PRKG1: variants seen among roughly 807,000 people sequenced by gnomAD.
PRKG1 encodes the protein protein kinase cGMP-dependent 1.
PRKG1 carries 35 observed loss-of-function variants against 88.1 expected under a neutral mutation model. That is an observed-to-expected ratio of 0.40 (90% CI 0.30 to 0.53). The LOEUF is 0.53. PRKG1 is among the 20% of genes least tolerant of loss of function. PRKG1 has a pLI of 0.59. For synonymous variants in PRKG1, 303 were observed against 292.5 expected, an observed-to-expected ratio of 1.04 and a Z score of -0.37; for missense variants, 540 against 839.8, an observed-to-expected ratio of 0.64 and a Z score of 4.41.
intron 3 of PRKG1, among the ~76,000 whole-genome samples, chr10:51,479,722 T>C (rs1324843953): frequency 1.3e-5 from 2 of 152,166 alleles, no homozygotes; most frequent in African/African-American, 4.8e-5. Flanking sequence ...AATTGGAAGC[T>C]GTTATGCATG....
chr10:51,841,016 G>A (rs1204072650), intron 4 of PRKG1, among the ~76,000 whole-genome samples: 1 of 152,190 alleles, frequency 6.6e-6, no homozygotes, highest in Non-Finnish European at 1.5e-5. Context: ...ATCTGAATCA[G>A]ATCACCAATA....
rs191084460 is a variant in PRKG1, at chr10:51,033,085, C to T, written c.266+41441C>T. ...TTCCATGACTTTCTGTATTCCCTGT[C>T]TTAGAATGCTCATCCTTCTCAAAGC... On this transcript the variant is annotated intron_variant, in intron 1 of 17. Coordinates refer to the PRKG1 transcript ENST00000401604. 4.7e-3 allele frequency among the ~76,000 whole-genome samples: 715 copies of T among 152,142 alleles called. 6 individuals carry two copies. Among genetic ancestry groups the T allele is most frequent in the African/African-American group, 0.017 (692 of 41,490 alleles).
At chr10:52,093,217 G>A (rs548132690) in intron 7 of PRKG1, among the ~76,000 whole-genome samples, 2 of 152,268 alleles carry the variant, frequency 1.3e-5, no homozygotes, top group South Asian at 2.1e-4. Context: ...TAATAGAGAC[G>A]TTTTGTTTCT....
At chr10:51,208,498 C>A (rs1838123353) in intron 2 of PRKG1, among the ~76,000 whole-genome samples, 1 of 152,052 alleles carries the variant, frequency 6.6e-6, no homozygotes, top group Non-Finnish European at 1.5e-5. Context: ...ATGTTCTTAG[C>A]AAGACATGAA....
chr10:51,031,889 C>T (rs984135542), intron 1 of PRKG1, among the ~76,000 whole-genome samples: 2 of 151,992 alleles, frequency 1.3e-5, no homozygotes, highest in African/African-American at 2.4e-5. Context: ...AAGAAATGAA[C>T]CTGTGATTTT....
rs78936380 is a variant in PRKG1 at position 51,852,375 on chromosome 10, T to G, written c.698+47685T>G. ...ACATAGATATACACACACACACACATAGAGAGAGAGAGAGAGAGAGGAAAC... is the reference window on the plus strand; with the variant it reads ...ACATAGATATACACACACACACACAGAGAGAGAGAGAGAGAGAGAGGAAAC... On this transcript the variant is annotated intron_variant, in intron 4 of 17. Coordinates refer to ENST00000373980, the MANE Select transcript of PRKG1 (RefSeq NM_006258.4). Among the ~76,000 whole-genome samples the G allele has an allele frequency of 5.7e-3, 820 of 143,946 alleles. 10 individuals carry two copies. Among genetic ancestry groups the G allele is most frequent in the African/African-American group, 0.019 (763 of 39,510 alleles). 94.4% of individuals were successfully genotyped at this position (143,946 alleles called of 152,430 possible).
intron 2 of PRKG1, among the ~76,000 whole-genome samples, chr10:51,357,433 T>C (rs868682642): frequency 6.6e-6 from 1 of 151,954 alleles, no homozygotes; most frequent in African/African-American, 2.4e-5. Flanking sequence ...TTAGGAGACA[T>C]GGAACAACAA....
intron 4 of PRKG1, among the ~76,000 whole-genome samples, chr10:51,852,244 T>G (rs148508184): frequency 6.7e-6 from 1 of 149,232 alleles, no homozygotes; most frequent in Admixed American, 6.7e-5. Context: ...CACACACACG[T>G]CATATATAAA....
chr10:51,699,085 G>C, intron 3 of PRKG1: 1 of 1,614,178 alleles, frequency 6.2e-7, no homozygotes, highest in Non-Finnish European at 8.5e-7. Flanking sequence ...GAGCTTCCTG[G>C]TGGCTGTTTT....
intron 5 of PRKG1, among the ~76,000 whole-genome samples, chr10:51,936,104 T>A (rs1842795145): frequency 6.6e-6 from 1 of 151,946 alleles, no homozygotes; most frequent in Non-Finnish European, 1.5e-5. Context: ...CCTTTTTAAA[T>A]TTCTAAATTT....
chr10:51,232,901 A>G (rs1838884297), intron 2 of PRKG1, among the ~76,000 whole-genome samples: 2 of 152,142 alleles, frequency 1.3e-5, no homozygotes, highest in Non-Finnish European at 2.9e-5. Flanking sequence ...TCAGGGATGG[A>G]GCCTAATCAA....
intron 3 of PRKG1, among the ~76,000 whole-genome samples, chr10:51,711,867 AG>A (rs1469534254): frequency 3.3e-5 from 5 of 152,194 alleles, no homozygotes; most frequent in Non-Finnish European, 7.4e-5. Flanking sequence ...GCAATAAACC[AG>A]GGGGGTAATG....
intron 1 of PRKG1, among the ~76,000 whole-genome samples, chr10:51,057,394 T>C (rs1843638878): frequency 1.3e-5 from 2 of 152,208 alleles, no homozygotes; most frequent in African/African-American, 2.4e-5. Flanking sequence ...GTAAAATCAA[T>C]ATGGATTTTG....
intron 9 of PRKG1, among the ~76,000 whole-genome samples, chr10:52,230,016 C>T (rs933348953): frequency 1.3e-5 from 2 of 151,736 alleles, no homozygotes; most frequent in African/African-American, 2.4e-5. Flanking sequence ...GAAATTAAAC[C>T]GTGAAAAAAA....
chr10:51,184,606 A>AGGGTT (rs1837434833), intron 2 of PRKG1, among the ~76,000 whole-genome samples: 1 of 152,192 alleles, frequency 6.6e-6, no homozygotes, highest in African/African-American at 2.4e-5. Context: ...TGACTAATGA[A>AGGGTT]GGGTTGTTTT....
rs562773560 is a variant in PRKG1, at chr10:51,598,251, A to G, written c.592+130415A>G. ...AGGGAACTGCATCTTCATTCTTTTA[A>G]CTTTTTTATCATGTTGCCCAAGCCT... On this transcript the variant is annotated intron_variant, in intron 3 of 17. Transcript: ENST00000373980. Among the ~76,000 whole-genome samples the G allele has an allele frequency of 7.9e-5, 12 of 152,110 alleles. No individual in the cohort carries two copies. In the East Asian group the frequency reaches 2.3e-3, roughly 29 times the overall value.
At chr10:52,037,278 G>A (rs1328400747) in intron 5 of PRKG1, among the ~76,000 whole-genome samples, 3 of 152,334 alleles carry the variant, frequency 2.0e-5, no homozygotes, top group Non-Finnish European at 2.9e-5. Context: ...TGCGGTTCAG[G>A]CATTTGGAAG....
chr10:51,305,346 A>G (rs1215608108), intron 2 of PRKG1, among the ~76,000 whole-genome samples: 2 of 152,154 alleles, frequency 1.3e-5, no homozygotes, highest in Non-Finnish European at 2.9e-5. Context: ...CCCTTGAATT[A>G]TATGTATACT....
intron 3 of PRKG1, among the ~76,000 whole-genome samples, chr10:51,743,272 C>G (rs943783643): frequency 3.3e-5 from 5 of 152,040 alleles, no homozygotes; most frequent in Non-Finnish European, 7.4e-5. Context: ...GCACAGAGTC[C>G]CCTGGGGATA....
Sources: allele counts gnomAD v4.1 joint callset (sites outside exome capture counted in the v4.1 genomes callset), GRCh38; gene constraint gnomAD v4.1.1; transcripts MANE v1.5; gene names NCBI Gene and HGNC (gene_info 2026-07-23, HGNC 2026-07-21).